DOCK4: variants seen among roughly 807,000 people sequenced by gnomAD.
The protein encoded by DOCK4 is dedicator of cytokinesis 4, also known as dedicator of cytokinesis protein 4.
In DOCK4, 97 loss-of-function variants were observed where a neutral mutation model predicts 268.1. That is an observed-to-expected ratio of 0.36 (90% CI 0.31 to 0.43). The LOEUF (loss-of-function observed/expected upper bound fraction) is 0.43. DOCK4 is among the 20% of genes least tolerant of loss of function. DOCK4 has a pLI of 1.00. For synonymous variants in DOCK4, 954 were observed against 887.2 expected (o/e 1.08, Z -1.34); for missense variants, 2,145 against 2,455.7 (o/e 0.87, Z 2.67).
At chr7:111,927,608 T>C (rs936981385) in intron 12 of DOCK4, among the ~76,000 whole-genome samples, 1 of 152,230 alleles carries the variant, frequency 6.6e-6, no homozygotes, top group African/African-American at 2.4e-5. Flanking sequence ...CAATAGCATA[T>C]ACTGAGGACT....
intron 29 of DOCK4, 83 bp downstream of exon 29, chr7:111,809,218 T>C: frequency 8.9e-7 from 1 of 1,123,944 alleles, no homozygotes; most frequent in South Asian, 1.4e-5. Flanking sequence ...TTTCCAGTTA[T>C]GCGCATTCTG....
intron 1 of DOCK4, among the ~76,000 whole-genome samples, chr7:112,048,389 C>CAAAAAAAAAAAAAAAAAA (rs59810546): frequency 1.4e-5 from 1 of 72,124 alleles, no homozygotes; most frequent in Non-Finnish European, 3.3e-5. Flanking sequence ...ACTAAAAATA[C>CAAAAAAAAAAAAAAAAAA]AAAAAAAAAA....
chr7:111,877,234 T>A, intron 16 of DOCK4, 48 bp from the exon 17 acceptor site: 1 of 1,267,744 alleles, frequency 7.9e-7, no homozygotes, highest in South Asian at 2.6e-5. Flanking sequence ...AGAGATCTCA[T>A]AAGAATTATT....
chr7:111,863,741 G>T (rs1805749302), intron 22 of DOCK4, among the ~76,000 whole-genome samples, 177 bp from the exon 23 acceptor site: 1 of 152,150 alleles, frequency 6.6e-6, no homozygotes, highest in Non-Finnish European at 1.5e-5. Flanking sequence ...AGCAGAATAG[G>T]ACAGTTTTTG....
At chr7:112,148,696 C>T (rs1815748013) in intron 1 of DOCK4, among the ~76,000 whole-genome samples, 1 of 151,544 alleles carries the variant, frequency 6.6e-6, no homozygotes, top group South Asian at 2.1e-4. Flanking sequence ...TTTGTTTTTC[C>T]TCCCATCCAA....
At chr7:112,200,725 T>TAAAAAAAAAAAAAAAA (rs1335683859) in intron 1 of DOCK4, among the ~76,000 whole-genome samples, 9 of 102,728 alleles carry the variant, frequency 8.8e-5, no homozygotes, top group African/African-American at 2.3e-4. Flanking sequence ...GCCTCTAAAA[T>TAAAAAAAAAAAAAAAA]AAAAAAAAAA....
Position 111,808,796 on chromosome 7 carries a change from T to C in DOCK4, c.3166+25A>G, listed in dbSNP as rs773919841. ...GTACAGCGAGGAGCTGTATAGTAGATGTGGCTTCTCTTTTCCTCACTTACC... is the reference window on the plus strand; with the variant it reads ...GTACAGCGAGGAGCTGTATAGTAGACGTGGCTTCTCTTTTCCTCACTTACC... On this transcript the variant is annotated intron_variant, in intron 30 of 52. Transcript: ENST00000428084. 35 of 1,606,902 alleles carry C rather than the reference T, an allele frequency of 2.2e-5. No individual in the cohort carries two copies. The Admixed American group carries it at 5.2e-4, about 24-fold the overall frequency.
rs892762055 is a variant in DOCK4, at chr7:112,078,257, A to G, written c.38-74126T>C. 2.0e-5 allele frequency among the ~76,000 whole-genome samples: 3 copies of G among 152,174 alleles called. No homozygotes were observed. The East Asian group carries it at 5.8e-4, about 29-fold the overall frequency. On this transcript the variant is annotated intron_variant, in intron 1 of 52. Transcript: ENST00000428084. ...GAGCTTTCCTTGAAAACAAACACAA[A>G]GAAGCCTCTTTTGTCTCACTACACT...
At chr7:111,827,879 G>T (rs1431706144) in intron 26 of DOCK4, among the ~76,000 whole-genome samples, 1 of 152,130 alleles carries the variant, frequency 6.6e-6, no homozygotes, top group African/African-American at 2.4e-5. Context: ...ATTGGGGCTT[G>T]ATCAGATATA....
intron 1 of DOCK4, among the ~76,000 whole-genome samples, chr7:112,191,626 C>G (rs1261954748): frequency 6.6e-6 from 1 of 152,146 alleles, no homozygotes; most frequent in Non-Finnish European, 1.5e-5. Context: ...AACCCCAAAG[C>G]CTGGGGCTGT....
chr7:112,164,900 T>C (rs1270842935), intron 1 of DOCK4, among the ~76,000 whole-genome samples: 1 of 152,194 alleles, frequency 6.6e-6, no homozygotes, highest in African/African-American at 2.4e-5. Flanking sequence ...GTAATGGACA[T>C]GTTATTACAA....
chr7:111,806,319 C>A (rs1190906021), intron 30 of DOCK4, among the ~76,000 whole-genome samples: 4 of 152,312 alleles, frequency 2.6e-5, no homozygotes, highest in East Asian at 1.9e-4. Flanking sequence ...CTTAATTATT[C>A]TTCTCCTCAT....
intron 6 of DOCK4, among the ~76,000 whole-genome samples, chr7:111,987,504 A>G (rs1422756682): frequency 1.3e-5 from 2 of 152,230 alleles, no homozygotes; most frequent in South Asian, 2.1e-4. Flanking sequence ...AGAAATAAAT[A>G]TTAGGCAGCA....
At chr7:111,860,872 G>A (rs1805452327) in intron 23 of DOCK4, among the ~76,000 whole-genome samples, 2 of 152,152 alleles carry the variant, frequency 1.3e-5, no homozygotes, top group South Asian at 4.1e-4. Flanking sequence ...ACAAGGAACT[G>A]GGCCCAAGGA....
chr7:112,032,850 T>C (rs1803400939), intron 1 of DOCK4, among the ~76,000 whole-genome samples: 1 of 152,104 alleles, frequency 6.6e-6, no homozygotes, highest in African/African-American at 2.4e-5. Context: ...TTTTCTCTAA[T>C]ATATTTTACT....
rs112458793 is a variant in DOCK4 at position 112,119,900 on chromosome 7, T to C, written c.37+86202A>G. ...TCTCACTCTGTCACCCAGGCTGGAG[T>C]GCAGTGGCGCGATCTCGGCTCACTG... On this transcript the variant is annotated intron_variant, in intron 1 of 52. Transcript: ENST00000428084. Among the ~76,000 whole-genome samples the C allele has an allele frequency of 1.7e-3, 253 of 150,230 alleles. 1 individual carries two copies. Among genetic ancestry groups the C allele is most frequent in the Non-Finnish European group, 2.4e-3 (163 of 67,720 alleles).
intron 1 of DOCK4, among the ~76,000 whole-genome samples, chr7:112,173,842 G>C (rs886466747): frequency 6.6e-6 from 1 of 152,102 alleles, no homozygotes; most frequent in East Asian, 1.9e-4. Context: ...CAACAATGCA[G>C]TGACCAAAAT....
intron 13 of DOCK4, among the ~76,000 whole-genome samples, chr7:111,904,640 CA>C (rs1791411346): frequency 6.6e-6 from 1 of 152,154 alleles, no homozygotes; most frequent in Admixed American, 6.5e-5. Context: ...ATTCTGAATT[CA>C]AATACACTAA....
intron 1 of DOCK4, among the ~76,000 whole-genome samples, chr7:112,119,133 G>A (rs1812461627): frequency 6.6e-6 from 1 of 152,128 alleles, no homozygotes; most frequent in Non-Finnish European, 1.5e-5. Context: ...ACCCAGAGCA[G>A]CAGAAGAGAT....
Sources: allele counts gnomAD v4.1 joint callset (sites outside exome capture counted in the v4.1 genomes callset), GRCh38; gene constraint gnomAD v4.1.1; transcripts MANE v1.5; gene names NCBI Gene and HGNC (gene_info 2026-07-23, HGNC 2026-07-21).